Variants in OR51B5 observed in about 807,000 individuals in gnomAD.
OR51B5 encodes olfactory receptor family 51 subfamily B member 5.
For synonymous variants in OR51B5, 186 were observed against 144.8 expected (o/e 1.28, Z -2.04); for missense variants, 456 against 374.6 (o/e 1.22, Z -1.79).
intron 1 of OR51B5, chr11:5,453,515 T>G (rs764230863): frequency 2.5e-6 from 4 of 1,574,450 alleles, no homozygotes; most frequent in East Asian, 2.2e-5. Context: ...TCACTCACCC[T>G]GCATTCTTCC....
rs767637620 is a variant in OR51B5 at position 5,479,235 on chromosome 11, C to T, written n.84+26334G>A. 6.8e-3 allele frequency among the ~76,000 whole-genome samples: 1,010 copies of T among 148,724 alleles called. 14 individuals carry two copies. Among genetic ancestry groups the T allele is most frequent in the African/African-American group, 0.024 (963 of 40,190 alleles). On this transcript the variant is annotated intron_variant and non_coding_transcript_variant, in intron 1 of 4. Transcript: ENST00000415970. ...CATTCTTAAAGAAAAGAATTTTCAA[C>T]CCAGAATTTCATATCCAGCCAAACT...
downstream of OR51B5, chr11:5,341,043 T>A (rs563275839): frequency 1.3e-5 from 2 of 152,342 alleles, no homozygotes; most frequent in African/African-American, 4.8e-5. Flanking sequence ...CTGATTTTTT[T>A]ATATGTTCAG....
intron 1 of OR51B5, among the ~76,000 whole-genome samples, chr11:5,370,629 T>C (rs901952894): frequency 6.6e-6 from 1 of 152,194 alleles, no homozygotes; most frequent in African/African-American, 2.4e-5. Context: ...ATTGTTTAGT[T>C]GTTTGTTTAT....
chr11:5,390,526 G>T, intron 1 of OR51B5: 1 of 659,628 alleles, frequency 1.5e-6, no homozygotes, highest in Non-Finnish European at 2.4e-6. Context: ...CTGGAGTTGT[G>T]GCTTTAAAAA....
intron 1 of OR51B5, among the ~76,000 whole-genome samples, chr11:5,462,066 A>C (rs1039057788): frequency 2.0e-5 from 3 of 152,210 alleles, no homozygotes; most frequent in African/African-American, 7.2e-5. Context: ...ACAACACAAG[A>C]AAATCAAATA....
chr11:5,409,983 T>C (rs1245632526), intron 1 of OR51B5, among the ~76,000 whole-genome samples: 3 of 152,132 alleles, frequency 2.0e-5, no homozygotes, highest in East Asian at 1.9e-4. Flanking sequence ...TGAAAGATAA[T>C]AGATTTATAT....
intron 1 of OR51B5, among the ~76,000 whole-genome samples, chr11:5,413,077 C>A (rs1397119793): frequency 2.6e-5 from 4 of 152,310 alleles, no homozygotes; most frequent in African/African-American, 9.6e-5. Flanking sequence ...TGATACTCCT[C>A]TGAGACAAAA....
rs185917197 is a variant in OR51B5 at position 5,436,824 on chromosome 11, C to G, written n.84+68745G>C. On this transcript the variant is annotated intron_variant and non_coding_transcript_variant, in intron 1 of 4. Transcript: ENST00000415970. ...ACTTATTGTATACATACCTCAAAGA[C>G]ACAGACTGATCAAAGTGTCTTGATC... 2.0e-5 allele frequency among the ~76,000 whole-genome samples: 3 copies of G among 152,252 alleles called. No homozygotes were observed. The East Asian group carries it at 5.8e-4, about 29-fold the overall frequency.
At chr11:5,386,202 G>A (rs2133724183) in intron 1 of OR51B5, among the ~76,000 whole-genome samples, 1 of 152,204 alleles carries the variant, frequency 6.6e-6, no homozygotes, top group African/African-American at 2.4e-5. Context: ...ATAAAAACAA[G>A]AAAAGTATGT....
chr11:5,483,280 T>C (rs1564828803), intron 1 of OR51B5, among the ~76,000 whole-genome samples: 1 of 137,050 alleles, frequency 7.3e-6, no homozygotes, highest in South Asian at 2.5e-4. Context: ...CACCGCATAT[T>C]CTCACTCATA....
chr11:5,422,496 G>T (rs1161108795), intron 1 of OR51B5: 1 of 1,614,184 alleles, frequency 6.2e-7, no homozygotes, highest in East Asian at 2.2e-5. Context: ...TCTGAGGCCT[G>T]TTTTGCTCAG....
rs1252095493 is a variant in OR51B5 at position 5,445,569 on chromosome 11, C to T, written n.84+60000G>A. Among the ~76,000 whole-genome samples the T allele has an allele frequency of 8.6e-5, 13 of 151,838 alleles. No individual in the cohort carries two copies. In the East Asian group the frequency reaches 1.4e-3, roughly 16 times the overall value. On this transcript the variant is annotated intron_variant and non_coding_transcript_variant, in intron 1 of 4. Transcript: ENST00000415970. Reference sequence around the variant, plus strand: ...CTTATAGTATACAGACCAATAAAGACGCAGCACCTACCCTTGCAAAGAACA... The same window carrying T: ...CTTATAGTATACAGACCAATAAAGATGCAGCACCTACCCTTGCAAAGAACA...
intron 1 of OR51B5, among the ~76,000 whole-genome samples, chr11:5,425,504 GTCT>G (rs1323400729): frequency 6.6e-6 from 1 of 152,046 alleles, no homozygotes; most frequent in African/African-American, 2.4e-5. Flanking sequence ...ACTGTTTATT[GTCT>G]TCTTCCTTTG....
At chr11:5,418,958 C>G (rs978252756) in intron 1 of OR51B5, among the ~76,000 whole-genome samples, 4 of 149,864 alleles carry the variant, frequency 2.7e-5, no homozygotes, top group African/African-American at 9.8e-5. Context: ...TTCTTGATAT[C>G]GGTAATAGGG....
At chr11:5,381,475 G>C (rs568831345) in intron 1 of OR51B5, among the ~76,000 whole-genome samples, 2 of 152,218 alleles carry the variant, frequency 1.3e-5, no homozygotes, top group South Asian at 4.2e-4. Context: ...TGGCCTCCAG[G>C]CTTCAGAAAC....
chr11:5,351,042 TTTTTCTACTGA>T (rs1349846975), intron 1 of OR51B5, among the ~76,000 whole-genome samples: 1 of 152,204 alleles, frequency 6.6e-6, no homozygotes, highest in Non-Finnish European at 1.5e-5. Flanking sequence ...CTTAGAACCA[TTTTTCTACTGA>T]TCTTTTAGGT....
chr11:5,395,430 G>A (rs1757804093), intron 1 of OR51B5, among the ~76,000 whole-genome samples: 1 of 152,158 alleles, frequency 6.6e-6, no homozygotes, highest in South Asian at 2.1e-4. Flanking sequence ...CTATATGCAG[G>A]GTTATGGAAT....
chr11:5,391,995 G>A (rs1849802611), intron 1 of OR51B5: 1 of 152,192 alleles, frequency 6.6e-6, no homozygotes, highest in South Asian at 2.1e-4. Context: ...CTTGAGCCCA[G>A]GAGGTTGAGG....
At chr11:5,468,030 C>T (rs1444007760) in intron 1 of OR51B5, among the ~76,000 whole-genome samples, 1 of 152,198 alleles carries the variant, frequency 6.6e-6, no homozygotes, top group Non-Finnish European at 1.5e-5. Context: ...GAAGTGTAAA[C>T]ATGGTCACAG....
Sources: gnomAD v4.1 joint callset for allele counts (sites outside exome capture counted in the v4.1 genomes callset) on GRCh38, gnomAD v4.1.1 for gene constraint, MANE v1.5 for transcripts, NCBI Gene and HGNC (gene_info 2026-07-23, HGNC 2026-07-21) for gene names.